Variants in CSMD1 observed in about 807,000 individuals in gnomAD.
CSMD1 encodes the protein CUB and Sushi multiple domains 1.
Under a neutral mutation model 417.5 loss-of-function variants are expected in CSMD1, and 213 were observed. The observed-to-expected ratio is 0.51, with a 90% CI of 0.46 to 0.57. The LOEUF is 0.57. Ranked by LOEUF, CSMD1 falls within the 20% of genes least tolerant of loss-of-function variation. CSMD1 has a pLI of 0.00. For synonymous variants in CSMD1, 2,862 were observed against 1,736.8 expected (o/e 1.65, Z -16.11); for missense variants, 6,923 against 4,529.7 (o/e 1.53, Z -15.17).
intron 1 of CSMD1, among the ~76,000 whole-genome samples, chr8:4,691,058 G>C (rs964551785): frequency 3.3e-5 from 5 of 152,104 alleles, no homozygotes; most frequent in Non-Finnish European, 5.9e-5. Context: ...TTTGAAACAT[G>C]CACCTTTAAA....
chr8:4,389,293 T>G (rs1489476940), intron 3 of CSMD1, among the ~76,000 whole-genome samples: 1 of 152,116 alleles, frequency 6.6e-6, no homozygotes, highest in East Asian at 1.9e-4. Flanking sequence ...AATTAGAAAA[T>G]GCGATCATAT....
chr8:4,511,679 G>A (rs560073181), intron 2 of CSMD1, among the ~76,000 whole-genome samples: 2 of 152,278 alleles, frequency 1.3e-5, no homozygotes, highest in African/African-American at 2.4e-5. Flanking sequence ...CAGAGTGGGA[G>A]TAGGGAAGGC....
chr8:3,181,100 T>G lies in CSMD1; in HGVS notation c.5725+10A>C, dbSNP rs1289019389. 1 of 1,579,534 alleles carries G rather than the reference T, an allele frequency of 6.3e-7. No individual in the cohort carries two copies. Among genetic ancestry groups the G allele is most frequent in the East Asian group, 2.2e-5 (1 of 44,738 alleles). On this transcript the variant is annotated intron_variant, in intron 37 of 69. Coordinates refer to ENST00000635120, the MANE Select transcript of CSMD1 (RefSeq NM_033225.6). ...CAGTGGAAGCTGTATACAGAAAGAG[T>G]TGACCTTACTTTTGTATTCCAGGTG...
chr8:3,217,550 C>G (rs776832573), intron 29 of CSMD1, among the ~76,000 whole-genome samples: 4 of 152,074 alleles, frequency 2.6e-5, no homozygotes, highest in Non-Finnish European at 5.9e-5. Flanking sequence ...GCGTGGGGGG[C>G]TATCATAGAA....
At chr8:3,881,233 C>A (rs969504996) in intron 5 of CSMD1, among the ~76,000 whole-genome samples, 1 of 147,868 alleles carries the variant, frequency 6.8e-6, no homozygotes, top group Non-Finnish European at 1.5e-5. Flanking sequence ...TCAACCCAAA[C>A]CTCAACAGAG....
intron 3 of CSMD1, among the ~76,000 whole-genome samples, chr8:4,388,445 ACTC>A (rs1167750122): frequency 6.6e-6 from 1 of 152,014 alleles, no homozygotes; most frequent in Non-Finnish European, 1.5e-5. Context: ...AAGTGAAGTA[ACTC>A]AGGAATGAAA....
chr8:4,277,941 G>A (rs1563377398), intron 3 of CSMD1, among the ~76,000 whole-genome samples: 2 of 152,060 alleles, frequency 1.3e-5, no homozygotes, highest in South Asian at 2.1e-4. Context: ...GTGGAGACAG[G>A]ATTTCACCAT....
chr8:3,039,829 G>C (rs938395383), intron 50 of CSMD1, among the ~76,000 whole-genome samples: 11 of 152,168 alleles, frequency 7.2e-5, no homozygotes, highest in Admixed American at 2.6e-4. Flanking sequence ...AGCTCGTTTA[G>C]CACTGATACA....
chr8:4,694,799 T>A (rs770747949), intron 1 of CSMD1, among the ~76,000 whole-genome samples: 1 of 152,132 alleles, frequency 6.6e-6, no homozygotes, highest in Non-Finnish European at 1.5e-5. Flanking sequence ...GTCCTTAACC[T>A]TGGCAAAATA....
intron 1 of CSMD1, among the ~76,000 whole-genome samples, chr8:4,738,903 T>TTGTGTGTGTGTG (rs34836566): frequency 0.065 from 9,654 of 147,442 alleles, 420 homozygotes; most frequent in East Asian, 0.2. Context: ...TTCTGTGTGT[T>TTGTGTGTGTGTG]TGTGTGTGTG....
chr8:3,477,512 C>G (rs1033888863), intron 11 of CSMD1, among the ~76,000 whole-genome samples: 4 of 152,184 alleles, frequency 2.6e-5, no homozygotes, highest in Non-Finnish European at 4.4e-5. Context: ...TAAGTAAAGA[C>G]AAGGTACTAT....
intron 7 of CSMD1, among the ~76,000 whole-genome samples, chr8:3,625,799 T>C (rs1357971302): frequency 2.6e-5 from 4 of 152,262 alleles, no homozygotes; most frequent in East Asian, 1.9e-4. Flanking sequence ...TCTTTATTTA[T>C]TTTTAACATC....
chr8:3,780,136 C>T (rs1046753988), intron 5 of CSMD1, among the ~76,000 whole-genome samples: 1 of 152,156 alleles, frequency 6.6e-6, no homozygotes, highest in Non-Finnish European at 1.5e-5. Flanking sequence ...TAAACCTGTG[C>T]CATCGGGGTG....
intron 5 of CSMD1, among the ~76,000 whole-genome samples, chr8:3,889,452 C>CATATATATATAT (rs1171842639): frequency 3.3e-4 from 15 of 45,402 alleles, no homozygotes; most frequent in South Asian, 2.2e-3. Flanking sequence ...CTGATCTTTC[C>CATATATATATAT]ATATATATAT....
chr8:4,937,093 G>A (rs995513977), intron 1 of CSMD1, among the ~76,000 whole-genome samples: 1 of 152,282 alleles, frequency 6.6e-6, no homozygotes. Context: ...CACACCTGTA[G>A]TCCCAGCTAT....
chr8:3,855,774 C>G (rs1804259955), intron 5 of CSMD1, among the ~76,000 whole-genome samples: 1 of 152,146 alleles, frequency 6.6e-6, no homozygotes, highest in Non-Finnish European at 1.5e-5. Context: ...TGCTGACTTT[C>G]TGAGTAAAGA....
At chr8:4,871,869 T>C (rs749712916) in intron 1 of CSMD1, among the ~76,000 whole-genome samples, 2 of 152,184 alleles carry the variant, frequency 1.3e-5, no homozygotes, top group South Asian at 2.1e-4. Flanking sequence ...CAGTTGGTCA[T>C]TGCTTGATGG....
At chr8:4,352,465 A>T (rs1179108050) in intron 3 of CSMD1, among the ~76,000 whole-genome samples, 2 of 152,220 alleles carry the variant, frequency 1.3e-5, no homozygotes, top group African/African-American at 4.8e-5. Flanking sequence ...TAGAAAGTGG[A>T]AATATTCTCC....
chr8:3,166,484 A>G (rs1269923200), intron 37 of CSMD1, among the ~76,000 whole-genome samples: 2 of 152,178 alleles, frequency 1.3e-5, no homozygotes, highest in East Asian at 1.9e-4. Flanking sequence ...CAGTGAGCCA[A>G]GGTCACACCA....
Sources: allele counts gnomAD v4.1 joint callset (sites outside exome capture counted in the v4.1 genomes callset), GRCh38; gene constraint gnomAD v4.1.1; transcripts MANE v1.5; gene names NCBI Gene and HGNC (gene_info 2026-07-23, HGNC 2026-07-21).